The following XXYLT1 variants were observed in gnomAD, a reference collection of about 807,000 sequenced individuals.
The protein encoded by XXYLT1 is xyloside xylosyltransferase 1, also known as UDP-xylose:alpha-xyloside alpha-1,3-xylosyltransferase.
In XXYLT1, 20 loss-of-function variants were observed where a neutral mutation model predicts 28.9. The ratio of observed to expected loss-of-function variants is 0.69; its 90% CI spans 0.49 to 1.00. The LOEUF (loss-of-function observed/expected upper bound fraction) is 1.00, where lower values mean the gene tolerates loss of function less well. Among genes scored for constraint, XXYLT1 ranks in the 50% least tolerant of loss-of-function variants. The pLI, the probability that XXYLT1 is intolerant of heterozygous loss-of-function variation, is 0.00. For synonymous variants in XXYLT1, 257 were observed against 253.8 expected, an observed-to-expected ratio of 1.01 and a Z score of -0.12; for missense variants, 542 against 560.1, an observed-to-expected ratio of 0.97 and a Z score of 0.33.
intron 3 of XXYLT1, among the ~76,000 whole-genome samples, chr3:195,128,976 G>A (rs931692822): frequency 3.3e-5 from 5 of 152,148 alleles, no homozygotes; most frequent in Admixed American, 6.5e-5. Flanking sequence ...ATCCCCATGC[G>A]AGACGAGTCA....
chr3:195,167,110 G>A (rs1011472513), intron 2 of XXYLT1, among the ~76,000 whole-genome samples: 23 of 152,244 alleles, frequency 1.5e-4, no homozygotes, highest in African/African-American at 5.5e-4. Flanking sequence ...CATGTCGGCA[G>A]GCACATGGTG....
At chr3:195,141,128 C>T (rs1486185169) in intron 3 of XXYLT1, among the ~76,000 whole-genome samples, 2 of 152,184 alleles carry the variant, frequency 1.3e-5, no homozygotes, top group East Asian at 3.9e-4. Flanking sequence ...GAACTGTGAG[C>T]AATAAATTCT....
intron 2 of XXYLT1, among the ~76,000 whole-genome samples, chr3:195,221,652 C>G (rs1723828633): frequency 6.6e-6 from 1 of 152,220 alleles, no homozygotes; most frequent in Admixed American, 6.5e-5. Flanking sequence ...CTGGAGCCAG[C>G]AGCGCCTCAG....
chr3:195,244,037 A>G (rs535093471), intron 1 of XXYLT1, among the ~76,000 whole-genome samples: 14 of 152,310 alleles, frequency 9.2e-5, no homozygotes, highest in South Asian at 6.2e-4. Flanking sequence ...ACGACGTCCA[A>G]TCGTTACCTC....
chr3:195,101,673 C>T (rs1437564925), intron 3 of XXYLT1, among the ~76,000 whole-genome samples: 1 of 151,376 alleles, frequency 6.6e-6, no homozygotes, highest in African/African-American at 2.4e-5. Flanking sequence ...GCAAAAAATA[C>T]ATCTGAGCCG....
chr3:195,102,659 T>TGTG (rs1560095404), intron 3 of XXYLT1, among the ~76,000 whole-genome samples: 1 of 151,060 alleles, frequency 6.6e-6, no homozygotes, highest in African/African-American at 2.4e-5. Flanking sequence ...ATATTCCGTT[T>TGTG]TGTGTGTGTG....
chr3:195,201,912 C>T (rs980206370), intron 2 of XXYLT1, among the ~76,000 whole-genome samples: 3 of 152,322 alleles, frequency 2.0e-5, no homozygotes, highest in East Asian at 1.9e-4. Flanking sequence ...GGCGCGGTGG[C>T]TCACACCTGT....
chr3:195,198,290 G>C (rs736919), intron 2 of XXYLT1, among the ~76,000 whole-genome samples: 7,805 of 152,210 alleles, frequency 0.051, 617 homozygotes, highest in African/African-American at 0.18. Context: ...ACTTGAAGGA[G>C]GAAGTAGATT....
intron 3 of XXYLT1, among the ~76,000 whole-genome samples, chr3:195,106,322 A>G (rs907388755): frequency 1.3e-5 from 2 of 151,994 alleles, no homozygotes; most frequent in South Asian, 4.2e-4. Flanking sequence ...TTTTTGATGG[A>G]GAGATGCTCT....
chr3:195,071,595 G>A (rs6787005), intron 3 of XXYLT1, among the ~76,000 whole-genome samples: 42,491 of 152,000 alleles, frequency 0.28, 7,150 homozygotes, highest in East Asian at 0.62. Context: ...CTGCCTGGTG[G>A]TAACAGCCTT....
chr3:195,127,948 G>T (rs370632988), intron 3 of XXYLT1, among the ~76,000 whole-genome samples: 7 of 152,200 alleles, frequency 4.6e-5, no homozygotes, highest in Non-Finnish European at 1.0e-4. Context: ...GGCTGACATA[G>T]TATCAGAGCT....
chr3:195,248,112 G>A (rs1249286767), intron 1 of XXYLT1, among the ~76,000 whole-genome samples: 1 of 152,164 alleles, frequency 6.6e-6, no homozygotes, highest in Non-Finnish European at 1.5e-5. Context: ...GCTGAGATTG[G>A]TACACACACA....
chr3:195,253,183 GGCT>G (rs1484158743), intron 1 of XXYLT1, among the ~76,000 whole-genome samples: 1 of 152,112 alleles, frequency 6.6e-6, no homozygotes, highest in Non-Finnish European at 1.5e-5. Context: ...GCCCAGGGAA[GGCT>G]GCCCTAAGCA....
intron 2 of XXYLT1, among the ~76,000 whole-genome samples, chr3:195,181,231 T>C (rs1392893041): frequency 6.6e-6 from 1 of 152,194 alleles, no homozygotes; most frequent in Admixed American, 6.5e-5. Context: ...CCATAAAGGA[T>C]GACAATCTCC....
chr3:195,099,449 G>C (rs1433821079), intron 3 of XXYLT1, among the ~76,000 whole-genome samples: 1 of 152,138 alleles, frequency 6.6e-6, no homozygotes, highest in Non-Finnish European at 1.5e-5. Context: ...TCAGCTGAAA[G>C]TAAAATCCAT....
chr3:195,147,672 A>G (rs1165536054), intron 3 of XXYLT1, among the ~76,000 whole-genome samples: 2 of 152,336 alleles, frequency 1.3e-5, no homozygotes, highest in East Asian at 1.9e-4. Context: ...GGGACTACAG[A>G]GCCTGACTTA....
rs962584660 is a variant in XXYLT1 at position 195,209,934 on chromosome 3, G to C, written c.652+16775C>G. 2.0e-5 allele frequency: 3 copies of C among 148,192 alleles called. No individual in the cohort carries two copies. The highest frequency in any genetic ancestry group is 2.9e-5 in the Non-Finnish European group (2 of 68,180). The allele number at this position is 148,192 out of a possible 1,614,324, so 9.2% of individuals were successfully genotyped here. A position where few individuals can be genotyped will look rare whatever the true frequency, so the allele number is the denominator to read the frequency against. On this transcript the variant is annotated intron_variant, in intron 2 of 3. Transcript: ENST00000310380. This position sits in a 1 kb window ranked among gnomAD's most constrained non-coding sequence, Gnocchi z 5.0. ...TGAGTACAGAAATGAGTCTTCTCCAGCCAGGGACAGTGCACAAAGTTCGGG... is the reference window on the plus strand; with the variant it reads ...TGAGTACAGAAATGAGTCTTCTCCACCCAGGGACAGTGCACAAAGTTCGGG...
intron 1 of XXYLT1, among the ~76,000 whole-genome samples, chr3:195,246,993 A>T (rs181133787): frequency 1.3e-5 from 2 of 152,300 alleles, no homozygotes; most frequent in African/African-American, 4.8e-5. Context: ...GCACTCACTA[A>T]AGAATACTCT....
chr3:195,185,959 G>A (rs1722179989), intron 2 of XXYLT1, among the ~76,000 whole-genome samples: 1 of 152,066 alleles, frequency 6.6e-6, no homozygotes, highest in Non-Finnish European at 1.5e-5. Flanking sequence ...CTGAAGACCA[G>A]TCCACAGCTT....
Sources: allele counts gnomAD v4.1 joint callset (sites outside exome capture counted in the v4.1 genomes callset), GRCh38; gene constraint gnomAD v4.1.1; non-coding constraint Gnocchi (gnomAD v3.1); transcripts MANE v1.5; gene names NCBI Gene and HGNC (gene_info 2026-07-23, HGNC 2026-07-21).